The following PTPN14 variants were observed in gnomAD, a reference collection of about 807,000 sequenced individuals.
PTPN14 encodes tyrosine-protein phosphatase non-receptor type 14.
A neutral mutation model predicts 126.8 loss-of-function variants in PTPN14; 53 were observed. The ratio of observed to expected loss-of-function variants is 0.42; its 90% confidence interval spans 0.34 to 0.53. PTPN14 has a LOEUF of 0.53. PTPN14 is among the 20% of genes least tolerant of loss of function. The pLI is 0.08. For missense variants in PTPN14, 1,257 were observed against 1,552.9 expected (o/e 0.81, Z 3.20); for synonymous variants, 630 against 599.3 (o/e 1.05, Z -0.75).
chr1:214,462,716 T>G (rs774427815), intron 2 of PTPN14, among the ~76,000 whole-genome samples: 1 of 152,198 alleles, frequency 6.6e-6, no homozygotes, highest in African/African-American at 2.4e-5. Flanking sequence ...TGATATTAAC[T>G]GTTTATTTAA....
chr1:214,421,058 T>C (rs1287945038), intron 3 of PTPN14, among the ~76,000 whole-genome samples: 2 of 152,216 alleles, frequency 1.3e-5, no homozygotes, highest in African/African-American at 4.8e-5. Flanking sequence ...CCTCAGTATA[T>C]AGCCACACAA....
At chr1:214,537,455 C>G (rs942723611) in intron 1 of PTPN14, among the ~76,000 whole-genome samples, 8 of 152,194 alleles carry the variant, frequency 5.3e-5, no homozygotes, top group Admixed American at 2.0e-4. Flanking sequence ...TATTTATTTA[C>G]CAGCTGTAGG....
rs138007137 is a variant in PTPN14, at chr1:214,357,966, A to G, written c.3520T>C (p.Tyr1174His). The change falls in exon 19 of 19, where the codon TAC (tyrosine) becomes CAC (histidine). Residue 1174 changes from tyrosine to histidine, a missense_variant. Coordinates refer to ENST00000366956, the MANE Select transcript of PTPN14 (RefSeq NM_005401.5). Reference sequence around the variant, plus strand: ...TGGAGGAACTGGATGAGGACTTGGTAGACAAACTTGTACTGAGCGATAGTC... The same window carrying G: ...TGGAGGAACTGGATGAGGACTTGGTGGACAAACTTGTACTGAGCGATAGTC... ...IQTIAQYKFVYQVLIQFLQNS... is the reference protein window; with the variant it reads ...IQTIAQYKFVHQVLIQFLQNS... The G allele has an allele frequency of 6.2e-7, 1 of 1,613,434 alleles. No individual in the cohort carries two copies. The highest frequency in any genetic ancestry group is 8.5e-7 in the Non-Finnish European group (1 of 1,179,598).
At chr1:214,405,114 A>C (rs995200290) in intron 5 of PTPN14, among the ~76,000 whole-genome samples, 1 of 152,204 alleles carries the variant, frequency 6.6e-6, no homozygotes, top group East Asian at 1.9e-4. Context: ...TTACATGCCC[A>C]TCCCCTCTGG....
intron 7 of PTPN14, among the ~76,000 whole-genome samples, chr1:214,400,936 G>C (rs73074084): frequency 0.037 from 5,593 of 152,256 alleles, 200 homozygotes; most frequent in African/African-American, 0.096. Context: ...AGTGGAGCTA[G>C]TCTGGAGTGA....
chr1:214,432,680 G>A (rs1332945195), intron 3 of PTPN14, among the ~76,000 whole-genome samples: 2 of 152,060 alleles, frequency 1.3e-5, no homozygotes, highest in African/African-American at 4.8e-5. Flanking sequence ...ACAAAATGTT[G>A]ATCAATGAAG....
intron 18 of PTPN14, among the ~76,000 whole-genome samples, chr1:214,361,875 A>C (rs1657962743): frequency 6.6e-6 from 1 of 152,058 alleles, no homozygotes; most frequent in South Asian, 2.1e-4. Flanking sequence ...ACAGCTACCA[A>C]CCTCATTGTA....
chr1:214,358,064 G>A lies in PTPN14; in HGVS notation c.3436-14C>T, dbSNP rs1657866838. 1 of 1,612,250 alleles carries A rather than the reference G, an allele frequency of 6.2e-7. No individual in the cohort carries two copies. Among genetic ancestry groups the A allele is most frequent in the South Asian group, 1.1e-5 (1 of 90,794 alleles). ...CACTTCCACCTTCTGCAAGAAAAGA[G>A]AGAAAGCACAAGGTCCTGAGACAGG... is the stretch of plus-strand genomic sequence containing the variant. On this transcript the variant is annotated splice_polypyrimidine_tract_variant and intron_variant, in intron 18 of 18. Coordinates refer to ENST00000366956, the MANE Select transcript of PTPN14 (RefSeq NM_005401.5).
chr1:214,481,888 G>A (rs1476843050), intron 1 of PTPN14, among the ~76,000 whole-genome samples: 1 of 151,778 alleles, frequency 6.6e-6, no homozygotes, highest in Admixed American at 6.6e-5. Flanking sequence ...TTGGGAGGCT[G>A]AGGCAGGAGA....
chr1:214,546,280 G>A (rs780548390), intron 1 of PTPN14, among the ~76,000 whole-genome samples: 3 of 152,182 alleles, frequency 2.0e-5, no homozygotes, highest in Non-Finnish European at 4.4e-5. Flanking sequence ...TGTTTAAGAA[G>A]CCCTGCAGGT....
At chr1:214,499,164 T>C (rs754038475) in intron 1 of PTPN14, among the ~76,000 whole-genome samples, 15 of 152,150 alleles carry the variant, frequency 9.9e-5, no homozygotes, top group Non-Finnish European at 1.9e-4. Context: ...CTCATACTTG[T>C]GTGAGAAAAT....
chr1:214,409,516 G>A (rs1459492424), intron 5 of PTPN14, among the ~76,000 whole-genome samples: 1 of 152,174 alleles, frequency 6.6e-6, no homozygotes, highest in East Asian at 1.9e-4. Context: ...TGAATAATGT[G>A]GCAATGATCA....
At chr1:214,416,605 C>T (rs539803863) in intron 3 of PTPN14, among the ~76,000 whole-genome samples, 1 of 152,252 alleles carries the variant, frequency 6.6e-6, no homozygotes, top group African/African-American at 2.4e-5. Flanking sequence ...TAGGATTTTG[C>T]TGGAATATAA....
chr1:214,515,164 G>A (rs956069246), intron 1 of PTPN14, among the ~76,000 whole-genome samples: 2 of 152,030 alleles, frequency 1.3e-5, no homozygotes, highest in African/African-American at 2.4e-5. Context: ...AAATCCCTCC[G>A]TAAGTAGAAA....
At chr1:214,470,078 C>A (rs1381316594) in intron 1 of PTPN14, among the ~76,000 whole-genome samples, 1 of 151,786 alleles carries the variant, frequency 6.6e-6, no homozygotes, top group African/African-American at 2.4e-5. Context: ...CTTGAGTCCA[C>A]GAATTCAAGA....
chr1:214,510,122 G>A (rs552457461), intron 1 of PTPN14, among the ~76,000 whole-genome samples: 11 of 152,152 alleles, frequency 7.2e-5, no homozygotes, highest in African/African-American at 1.2e-4. Context: ...ATAGGGAGGC[G>A]GGAGGAGAGG....
intron 1 of PTPN14, among the ~76,000 whole-genome samples, chr1:214,549,570 T>C (rs1181286133): frequency 1.3e-5 from 2 of 152,188 alleles, no homozygotes; most frequent in African/African-American, 4.8e-5. Context: ...AGCTTCAACC[T>C]CATCACCAAA....
intron 12 of PTPN14, 125 bp downstream of exon 12, chr1:214,386,719 G>A (rs530848116): frequency 2.8e-4 from 287 of 1,043,362 alleles, no homozygotes; most frequent in African/African-American, 1.2e-3. Flanking sequence ...GTTAGCTACT[G>A]TCATTCAGAC....
intron 1 of PTPN14, among the ~76,000 whole-genome samples, chr1:214,540,212 C>A (rs1184414194): frequency 1.3e-5 from 2 of 152,060 alleles, no homozygotes; most frequent in Non-Finnish European, 2.9e-5. Context: ...TAAAAGTCAG[C>A]CCCATTTTTC....
Sources: allele counts gnomAD v4.1 joint callset (sites outside exome capture counted in the v4.1 genomes callset), GRCh38; gene constraint gnomAD v4.1.1; transcripts MANE v1.5; gene names NCBI Gene and HGNC (gene_info 2026-07-23, HGNC 2026-07-21).